Variants in EXOC4 observed in about 807,000 individuals in gnomAD.
EXOC4 encodes the protein exocyst complex component 4.
In EXOC4, 71 loss-of-function variants were observed where a neutral mutation model predicts 107.2. The ratio of observed to expected loss-of-function variants is 0.66; its 90% confidence interval spans 0.55 to 0.81. The LOEUF (loss-of-function observed/expected upper bound fraction) is 0.81, where lower values mean the gene tolerates loss of function less well. EXOC4 is among the 30% of genes least tolerant of loss of function. The probability of loss-of-function intolerance (pLI) is 0.00; values close to 1 mark genes in which losing one functional copy is unlikely to be tolerated. For synonymous variants in EXOC4, 456 were observed against 441.2 expected (o/e 1.03, Z -0.42); for missense variants, 1,108 against 1,189.6 (o/e 0.93, Z 1.01).
chr7:133,702,534 G>A (rs757392781), intron 10 of EXOC4, among the ~76,000 whole-genome samples: 3 of 150,036 alleles, frequency 2.0e-5, no homozygotes, highest in Admixed American at 6.6e-5. Context: ...CTATGTTGCC[G>A]AGGCCAGTCT....
intron 5 of EXOC4, among the ~76,000 whole-genome samples, chr7:133,350,650 A>G (rs549852960): frequency 4.6e-5 from 7 of 152,176 alleles, no homozygotes; most frequent in African/African-American, 1.7e-4. Context: ...TTCTTTTTCA[A>G]GATGGTATTG....
intron 9 of EXOC4, among the ~76,000 whole-genome samples, chr7:133,625,465 G>C (rs17167177): frequency 0.13 from 20,101 of 152,204 alleles, 1,451 homozygotes; most frequent in East Asian, 0.25. Context: ...CTGTTCCATA[G>C]TCATTTCAGT....
Position 134,007,694 on chromosome 7 carries a change from C to T in EXOC4, c.2546C>T (p.Ser849Phe), listed in dbSNP as rs755835378. The change falls in exon 17 of 18, where the codon TCC becomes TTC. Residue 849 changes from serine to phenylalanine, a missense_variant. Ser to Phe is a radical substitution (Grantham distance 155, BLOSUM62 -2). Coordinates refer to ENST00000253861, the MANE Select transcript of EXOC4 (RefSeq NM_021807.4). ...CCCTCAGGCCTGGGCCACCTGATCT[C>T]CTGCATCCTCATTAATGGTGCCCAG... ...YIFEGLGHLI[S>F]CILINGAQYF... 1.1e-5 allele frequency: 17 copies of T among 1,613,332 alleles called. No individual in the cohort carries two copies. Among genetic ancestry groups the T allele is most frequent in the Non-Finnish European group, 1.3e-5 (15 of 1,179,628 alleles).
chr7:133,774,610 T>C (rs1382739707), intron 10 of EXOC4, among the ~76,000 whole-genome samples: 1 of 152,172 alleles, frequency 6.6e-6, no homozygotes, highest in Non-Finnish European at 1.5e-5. Context: ...AACTTGATTT[T>C]CTAGAAAACA....
At chr7:133,337,980 A>G (rs1795558009) in intron 5 of EXOC4, among the ~76,000 whole-genome samples, 1 of 149,008 alleles carries the variant, frequency 6.7e-6, no homozygotes, top group African/African-American at 2.5e-5. Context: ...GAAAGTAGCT[A>G]GCAGTTTGTC....
At chr7:134,005,628 A>G (rs749788662) in intron 16 of EXOC4, among the ~76,000 whole-genome samples, 24 of 152,126 alleles carry the variant, frequency 1.6e-4, no homozygotes, top group Non-Finnish European at 3.2e-4. Context: ...TAAAGACATT[A>G]CCCTTCACAA....
chr7:133,979,402 T>G (rs1793919039), intron 14 of EXOC4, among the ~76,000 whole-genome samples: 1 of 152,142 alleles, frequency 6.6e-6, no homozygotes, highest in African/African-American at 2.4e-5. Context: ...AAATGCTGAC[T>G]CCAGGCCCTG....
At chr7:133,869,933 T>G (rs1322272209) in intron 11 of EXOC4, among the ~76,000 whole-genome samples, 1 of 152,230 alleles carries the variant, frequency 6.6e-6, no homozygotes, top group Non-Finnish European at 1.5e-5. Flanking sequence ...TGATCCAAGG[T>G]GCTCTGCTAG....
At chr7:134,015,873 C>CAAAA (rs55846835) in intron 17 of EXOC4, among the ~76,000 whole-genome samples, 3 of 109,716 alleles carry the variant, frequency 2.7e-5, no homozygotes, top group Non-Finnish European at 5.6e-5. Context: ...GACTCCGTCT[C>CAAAA]AAAAAAAAAA....
chr7:134,054,298 A>C (rs1795871417), intron 17 of EXOC4, among the ~76,000 whole-genome samples: 1 of 151,426 alleles, frequency 6.6e-6, no homozygotes. Context: ...CAACACACCC[A>C]CCTCCTCCTC....
intron 10 of EXOC4, among the ~76,000 whole-genome samples, chr7:133,688,982 A>T (rs544900278): frequency 6.6e-6 from 1 of 152,282 alleles, no homozygotes; most frequent in African/African-American, 2.4e-5. Flanking sequence ...CCCAGTCCTC[A>T]TTCCCTTGTA....
intron 11 of EXOC4, among the ~76,000 whole-genome samples, chr7:133,883,452 G>A (rs1799009460): frequency 6.7e-6 from 1 of 148,158 alleles, no homozygotes; most frequent in South Asian, 2.2e-4. Context: ...AGCAGGCTGG[G>A]CAACATAGCA....
At chr7:133,371,139 T>A (rs1438069767) in intron 6 of EXOC4, among the ~76,000 whole-genome samples, 1 of 152,174 alleles carries the variant, frequency 6.6e-6, no homozygotes, top group Non-Finnish European at 1.5e-5. Flanking sequence ...GATGCCAGGT[T>A]TCATTTTTCA....
chr7:133,711,995 A>C (rs936509923), intron 10 of EXOC4, among the ~76,000 whole-genome samples: 2 of 152,190 alleles, frequency 1.3e-5, no homozygotes, highest in South Asian at 4.1e-4. Context: ...AACATCAAGA[A>C]CATTCAGAAG....
At chr7:134,056,367 C>T (rs1375252255) in intron 17 of EXOC4, among the ~76,000 whole-genome samples, 1 of 152,034 alleles carries the variant, frequency 6.6e-6, no homozygotes, top group Non-Finnish European at 1.5e-5. Context: ...AAAATGAAGG[C>T]CCTAAATAAA....
intron 10 of EXOC4, among the ~76,000 whole-genome samples, chr7:133,734,740 T>G (rs950882372): frequency 6.6e-6 from 1 of 152,080 alleles, no homozygotes; most frequent in East Asian, 1.9e-4. Context: ...TTAGATATGC[T>G]GAACTGGTAA....
At chr7:133,644,453 G>A (rs1802938674) in intron 10 of EXOC4, among the ~76,000 whole-genome samples, 1 of 152,078 alleles carries the variant, frequency 6.6e-6, no homozygotes, top group African/African-American at 2.4e-5. Context: ...TGATTATGAT[G>A]TTTACTTGAA....
rs377087169 is a variant in EXOC4, at chr7:133,796,873, A to C, written c.1515-20452A>C. ...CCTGGGAAGCTAATTATTCAGTCGG[A>C]GGGTAATGAAAGACGCTGCCATCTG... On this transcript the variant is annotated intron_variant, in intron 10 of 17. Transcript: ENST00000253861. Among the ~76,000 whole-genome samples, 35 of 152,300 alleles carry C rather than the reference A, an allele frequency of 2.3e-4. No individual in the cohort carries two copies. The East Asian group carries it at 5.0e-3, about 22-fold the overall frequency.
chr7:133,541,252 C>T (rs779302427), intron 9 of EXOC4, among the ~76,000 whole-genome samples: 13 of 152,048 alleles, frequency 8.5e-5, no homozygotes, highest in Non-Finnish European at 1.5e-4. Flanking sequence ...TATCAGTTGC[C>T]GTTTCTGAGA....
Sources: gnomAD v4.1 joint callset for allele counts (sites outside exome capture counted in the v4.1 genomes callset) on GRCh38, gnomAD v4.1.1 for gene constraint, MANE v1.5 for transcripts, NCBI Gene and HGNC (gene_info 2026-07-23, HGNC 2026-07-21) for gene names.